Variants in TTC28 observed in about 807,000 individuals in gnomAD.
TTC28 encodes the protein tetratricopeptide repeat domain 28.
TTC28 carries 61 observed loss-of-function variants against 198.0 expected under a neutral mutation model. The ratio of observed to expected loss-of-function variants is 0.31; its 90% CI spans 0.25 to 0.38. TTC28 has a LOEUF of 0.38. TTC28 is among the 10% of genes least tolerant of loss of function. The probability of loss-of-function intolerance (pLI) is 1.00; values close to 1 mark genes in which losing one functional copy is unlikely to be tolerated. For missense variants in TTC28, 2,678 were observed against 3,164.0 expected, an observed-to-expected ratio of 0.85 and a Z score of 3.69; for synonymous variants, 1,171 against 1,297.8, an observed-to-expected ratio of 0.90 and a Z score of 2.10.
At chr22:28,020,163 G>A (rs1938533372) in intron 13 of TTC28, among the ~76,000 whole-genome samples, 1 of 152,222 alleles carries the variant, frequency 6.6e-6, no homozygotes, top group South Asian at 2.1e-4. Context: ...CCTCCTGGGG[G>A]CTGCGGCTCC....
At chr22:28,490,031 T>C (rs1398046913) in intron 2 of TTC28, among the ~76,000 whole-genome samples, 1 of 152,154 alleles carries the variant, frequency 6.6e-6, no homozygotes, top group African/African-American at 2.4e-5. Flanking sequence ...AGATGTAGGC[T>C]GGAAGGCTAG....
intron 6 of TTC28, among the ~76,000 whole-genome samples, chr22:28,134,524 C>T (rs921362647): frequency 6.6e-6 from 1 of 152,094 alleles, no homozygotes; most frequent in African/African-American, 2.4e-5. Context: ...GAGCTGAAAA[C>T]CATGGCATGA....
At chr22:28,045,642 A>C (rs1939831715) in intron 12 of TTC28, among the ~76,000 whole-genome samples, 1 of 152,228 alleles carries the variant, frequency 6.6e-6, no homozygotes, top group Admixed American at 6.5e-5. Flanking sequence ...AGACACATGC[A>C]GACTCACATA....
intron 6 of TTC28, among the ~76,000 whole-genome samples, chr22:28,126,409 C>T (rs888232651): frequency 4.6e-5 from 7 of 152,178 alleles, no homozygotes; most frequent in African/African-American, 7.2e-5. Context: ...ACTCTTCATT[C>T]TTCCAATCCT....
intron 2 of TTC28, among the ~76,000 whole-genome samples, chr22:28,309,601 C>T (rs16986290): frequency 0.041 from 6,304 of 152,268 alleles, 154 homozygotes; most frequent in African/African-American, 0.054. Flanking sequence ...CTTATTATCA[C>T]AGGTCTCACA....
chr22:28,620,805 A>T (rs1031860430), intron 2 of TTC28, among the ~76,000 whole-genome samples: 3 of 152,128 alleles, frequency 2.0e-5, no homozygotes, highest in African/African-American at 7.2e-5. Context: ...TTAGCCAAAG[A>T]TGTCGCAGAA....
At chr22:28,429,979 T>C (rs1196793587) in intron 2 of TTC28, among the ~76,000 whole-genome samples, 1 of 152,086 alleles carries the variant, frequency 6.6e-6, no homozygotes, top group African/African-American at 2.4e-5. Context: ...TATTATTCTT[T>C]TACAATTTGC....
chr22:28,436,038 C>A (rs2047515066), intron 2 of TTC28, among the ~76,000 whole-genome samples: 1 of 152,140 alleles, frequency 6.6e-6, no homozygotes. Flanking sequence ...TTAGTACATG[C>A]ACAATATTAC....
intron 2 of TTC28, among the ~76,000 whole-genome samples, chr22:28,528,788 G>A (rs2049066129): frequency 1.3e-5 from 2 of 148,504 alleles, no homozygotes; most frequent in Admixed American, 6.7e-5. Flanking sequence ...TGAGACAGAT[G>A]AAGTAAAATT....
chr22:28,362,062 G>T (rs933131478), intron 2 of TTC28, among the ~76,000 whole-genome samples: 1 of 152,162 alleles, frequency 6.6e-6, no homozygotes, highest in African/African-American at 2.4e-5. Context: ...TTGTTTTAAT[G>T]CCTGCTAACA....
chr22:28,532,070 T>G (rs2049152549), intron 2 of TTC28, among the ~76,000 whole-genome samples: 1 of 151,928 alleles, frequency 6.6e-6, no homozygotes, highest in African/African-American at 2.4e-5. Flanking sequence ...AGAGCAGAAC[T>G]GAAGGAGACA....
chr22:28,278,210 C>T (rs768090676), intron 5 of TTC28, among the ~76,000 whole-genome samples: 30 of 152,076 alleles, frequency 2.0e-4, no homozygotes, highest in Non-Finnish European at 4.3e-4. Context: ...TATCAAACTA[C>T]ATAAAAATCC....
chr22:28,523,804 G>A (rs1284987233), intron 2 of TTC28, among the ~76,000 whole-genome samples: 1 of 152,042 alleles, frequency 6.6e-6, no homozygotes, highest in Non-Finnish European at 1.5e-5. Context: ...TAGAAAACAG[G>A]TATGTTTTAA....
chr22:28,285,319 T>C (rs945146533), intron 5 of TTC28, among the ~76,000 whole-genome samples: 10 of 152,232 alleles, frequency 6.6e-5, no homozygotes, highest in Non-Finnish European at 1.3e-4. Context: ...ACGATTTTAC[T>C]TACATGAAAT....
intron 2 of TTC28, among the ~76,000 whole-genome samples, chr22:28,416,725 C>G (rs1185180482): frequency 6.6e-6 from 1 of 152,168 alleles, no homozygotes; most frequent in East Asian, 1.9e-4. Context: ...GAAAGCATAG[C>G]ACACAACACT....
chr22:28,401,766 T>C (rs1372541925), intron 2 of TTC28, among the ~76,000 whole-genome samples: 2 of 151,860 alleles, frequency 1.3e-5, no homozygotes, highest in Non-Finnish European at 2.9e-5. Flanking sequence ...CGAGACCCCA[T>C]CTCTACAAAA....
At position 28,336,676 on chromosome 22, in the gene TTC28, G is replaced by A. The variant is rs186000137; in HGVS notation, c.382-30033C>T. 3.0e-3 allele frequency among the ~76,000 whole-genome samples: 457 copies of A among 151,822 alleles called. 4 individuals are homozygous for A. The highest frequency in any genetic ancestry group is 0.01 in the African/African-American group (428 of 41,424). On this transcript the variant is annotated intron_variant, in intron 2 of 22. Coordinates refer to ENST00000397906, the MANE Select transcript of TTC28 (RefSeq NM_001145418.2). ...TGGTACTTTGTATTTCTGTGGTATC[G>A]GTGGTGATATCCGCTTTATCATTTT...
At chr22:28,656,397 G>A (rs1270038371) in intron 1 of TTC28, among the ~76,000 whole-genome samples, 2 of 152,156 alleles carry the variant, frequency 1.3e-5, no homozygotes, top group Non-Finnish European at 2.9e-5. Flanking sequence ...AGGCCATGAC[G>A]AGGATACGAG....
intron 1 of TTC28, among the ~76,000 whole-genome samples, chr22:28,636,456 T>C (rs540736470): frequency 1.3e-5 from 2 of 152,320 alleles, no homozygotes; most frequent in East Asian, 1.9e-4. Context: ...TGTGCATTTT[T>C]TTTATTCATT....
Sources: allele counts gnomAD v4.1 joint callset (sites outside exome capture counted in the v4.1 genomes callset), GRCh38; gene constraint gnomAD v4.1.1; transcripts MANE v1.5; gene names NCBI Gene and HGNC (gene_info 2026-07-23, HGNC 2026-07-21).